The following ATM variants were observed in gnomAD, a reference collection of about 807,000 sequenced individuals.
ATM encodes the protein serine-protein kinase ATM.
A neutral mutation model predicts 387.0 loss-of-function variants in ATM; 308 were observed. The ratio of observed to expected loss-of-function variants is 0.80; its 90% confidence interval spans 0.73 to 0.87. The LOEUF is 0.87. ATM is among the 40% of genes least tolerant of loss of function. The probability of loss-of-function intolerance (pLI) is 0.00; values close to 1 mark genes in which losing one functional copy is unlikely to be tolerated. For synonymous variants in ATM, 1,156 were observed against 1,187.3 expected (o/e 0.97, Z 0.54); for missense variants, 3,312 against 3,560.9 (o/e 0.93, Z 1.78).
Position 108,243,934 on chromosome 11 carries a change from A to ATTTT in ATM, c.497-7_497-4dup. On this transcript the variant is annotated intron_variant, in intron 5 of 62. Transcript: ENST00000675843. The stretch of plus-strand genomic sequence containing the variant: ...GATTTTTAAAAAATCATGACTAATA[A>ATTTT]TTTTTTTTTTTTTTTAAGAATTGTT... 1 of 1,200,580 alleles carries ATTTT rather than the reference A, an allele frequency of 8.3e-7. No individual in the cohort carries two copies. The highest frequency in any genetic ancestry group is 1.1e-6 in the Non-Finnish European group (1 of 874,564). 74.4% of individuals were successfully genotyped at this position (1,200,580 alleles called of 1,614,324 possible).
At chr11:108,345,256 A>G (rs560241634) in intron 57 of ATM, among the ~76,000 whole-genome samples, 2 of 152,346 alleles carry the variant, frequency 1.3e-5, no homozygotes, top group African/African-American at 4.8e-5. Flanking sequence ...TCATCAGCAC[A>G]TAGATGGAAG....
At chr11:108,329,883 T>C (rs1337898896) in intron 49 of ATM, among the ~76,000 whole-genome samples, 1 of 152,260 alleles carries the variant, frequency 6.6e-6, no homozygotes, top group East Asian at 1.9e-4. Context: ...GAGATAGATA[T>C]TGAAATTAAT....
intron 61 of ATM, among the ~76,000 whole-genome samples, chr11:108,364,725 G>A (rs1312030971): frequency 1.3e-5 from 2 of 152,170 alleles, no homozygotes; most frequent in Non-Finnish European, 2.9e-5. Flanking sequence ...GACAGCCTGG[G>A]CTGAGGAAGA....
At chr11:108,335,987 C>A in intron 56 of ATM, 26 bp downstream of exon 56, 2 of 1,533,652 alleles carry the variant, frequency 1.3e-6, no homozygotes, top group South Asian at 2.2e-5. Flanking sequence ...TCTGTTAGTT[C>A]ACCAAAAACA....
chr11:108,285,884 A>C (rs992332584), intron 26 of ATM, among the ~76,000 whole-genome samples: 1 of 152,202 alleles, frequency 6.6e-6, no homozygotes, highest in South Asian at 2.1e-4. Flanking sequence ...TTCTTTTCTT[A>C]ATGTATTCAA....
At chr11:108,310,800 T>G (rs1379715478) in intron 39 of ATM, among the ~76,000 whole-genome samples, 1 of 152,216 alleles carries the variant, frequency 6.6e-6, no homozygotes, top group East Asian at 1.9e-4. Flanking sequence ...TTTCATTTCT[T>G]TATCTACCTA....
rs2079869889 is a variant in ATM at position 108,246,826 on chromosome 11, G to A, written c.902-138G>A. On this transcript the variant is annotated intron_variant, in intron 7 of 62. Transcript: ENST00000675843. Reference sequence around the variant, plus strand: ...GTTTGTCAAGGATCTTGTCAGAAGAGGCATTAGTACTGAATGGAAGGTTGG... The same window carrying A: ...GTTTGTCAAGGATCTTGTCAGAAGAAGCATTAGTACTGAATGGAAGGTTGG... 3.7e-5 allele frequency: 23 copies of A among 625,016 alleles called. No homozygotes were observed. The South Asian group carries it at 4.1e-4, about 11-fold the overall frequency. The allele number at this position is 625,016 out of a possible 1,614,324, so 38.7% of individuals were successfully genotyped here.
intron 4 of ATM, chr11:108,231,583 C>T (rs2079012910): frequency 6.6e-6 from 1 of 150,578 alleles, no homozygotes; most frequent in Non-Finnish European, 1.5e-5. Flanking sequence ...GTAATCCCAG[C>T]TTCTCGAGAA....
At chr11:108,314,807 A>C (rs1252009126) in intron 40 of ATM, among the ~76,000 whole-genome samples, 4 of 149,522 alleles carry the variant, frequency 2.7e-5, no homozygotes, top group African/African-American at 1.0e-4. Context: ...TGAGAAAAGA[A>C]AATGTTATTG....
intron 36 of ATM, 78 bp downstream of exon 36, chr11:108,303,107 A>T: frequency 7.6e-7 from 1 of 1,308,468 alleles, no homozygotes. Flanking sequence ...ACTGCACATC[A>T]TCTTCACATA....
At position 108,365,559 on chromosome 11, in the gene ATM, A is replaced by G. The variant is rs2137936075; in HGVS notation, c.*51A>G. Reference sequence around the variant, plus strand: ...ATTCAGCCTTTAGAAATTATATTTTAGCCTTTATTTTTAACCTGCCAACAT... The same window carrying G: ...ATTCAGCCTTTAGAAATTATATTTTGGCCTTTATTTTTAACCTGCCAACAT... On this transcript the variant is annotated 3_prime_UTR_variant, in exon 63 of 63. Coordinates refer to ENST00000675843, the MANE Select transcript of ATM (RefSeq NM_000051.4). 1.3e-6 allele frequency: 2 copies of G among 1,579,540 alleles called. No homozygotes were observed. The highest frequency in any genetic ancestry group is 1.7e-6 in the Non-Finnish European group (2 of 1,159,324).
intron 16 of ATM, among the ~76,000 whole-genome samples, chr11:108,265,450 A>T (rs917844346): frequency 1.3e-5 from 2 of 152,204 alleles, no homozygotes; most frequent in African/African-American, 4.8e-5. Context: ...CTGAAACTGG[A>T]TCCCTTCCTT....
intron 55 of ATM, 47 bp from the exon 56 acceptor site, chr11:108,335,798 T>C: frequency 6.7e-7 from 1 of 1,488,338 alleles, no homozygotes; most frequent in Non-Finnish European, 9.3e-7. Context: ...TGTGTTTTTA[T>C]AATAAAATAA....
chr11:108,337,624 C>G (rs1366491948), intron 56 of ATM, among the ~76,000 whole-genome samples: 1 of 152,192 alleles, frequency 6.6e-6, no homozygotes, highest in Non-Finnish European at 1.5e-5. Context: ...ACCCACCAGT[C>G]TACTTGTTCT....
Position 108,353,872 on chromosome 11 carries a change from C to T in ATM, c.8778C>T (p.Val2926=), listed in dbSNP as rs1430419604. The T allele has an allele frequency of 1.2e-6, 2 of 1,611,580 alleles. No individual in the cohort carries two copies. Among genetic ancestry groups the T allele is most frequent in the Non-Finnish European group, 1.7e-6 (2 of 1,177,916 alleles). ...DGMGITGVEG[V]FRRCCEKTME... ...TGGGCATTACGGGTGTTGAAGGTGT[C>T]TTCAGAAGGTAAGTGATATGAAGTA... The change falls in exon 60 of 63, where the codon GTC becomes GTT. Residue 2926 remains valine, a synonymous_variant. Transcript: ENST00000675843.
At position 108,353,824 on chromosome 11, in the gene ATM, C is replaced by G. The variant is rs551041839; in HGVS notation, c.8730C>G (p.Leu2910=). ...CTCCTGAGACAGTTCCTTTTAGACTCACCAGAGATATTGTGGATGGCATGG... is the reference window on the plus strand; with the variant it reads ...CTCCTGAGACAGTTCCTTTTAGACTGACCAGAGATATTGTGGATGGCATGG... ...LPTPETVPFR[L]TRDIVDGMGI... Residue 2910 remains leucine, a synonymous_variant, in exon 60 of 63, where the codon CTC becomes CTG. Coordinates refer to ENST00000675843, the MANE Select transcript of ATM (RefSeq NM_000051.4). 3.2e-4 allele frequency: 520 copies of G among 1,614,054 alleles called. 2 individuals are homozygous for G. In the South Asian group the frequency reaches 5.6e-3, roughly 17 times the overall value.
chr11:108,351,679 G>T (rs1462379144), intron 59 of ATM, among the ~76,000 whole-genome samples: 4 of 152,112 alleles, frequency 2.6e-5, no homozygotes, highest in African/African-American at 9.7e-5. Context: ...GGGCTCCAAG[G>T]GGAAGGAAGT....
In ATM at chr11:108,273,522, C is replaced by T. The variant is rs1396183808; in HGVS notation, c.3284+670C>T. Among the ~76,000 whole-genome samples, 3 of 150,900 alleles carry T rather than the reference C, an allele frequency of 2.0e-5. No homozygotes were observed. In the East Asian group the frequency reaches 5.9e-4, roughly 29 times the overall value. On this transcript the variant is annotated intron_variant, in intron 22 of 62. Transcript: ENST00000675843. ...ATGCCCAGCTAATTTTTTTATTTTT[C>T]GTAGAGATGGAGTTTCACCATGTTG...
chr11:108,235,024 A>T (rs2079197564), intron 4 of ATM, among the ~76,000 whole-genome samples: 1 of 152,158 alleles, frequency 6.6e-6, no homozygotes, highest in Non-Finnish European at 1.5e-5. Flanking sequence ...GAAATTGTGA[A>T]TTATTAAGGT....
Sources: gnomAD v4.1 joint callset for allele counts (sites outside exome capture counted in the v4.1 genomes callset) on GRCh38, gnomAD v4.1.1 for gene constraint, MANE v1.5 for transcripts, NCBI Gene and HGNC (gene_info 2026-07-23, HGNC 2026-07-21) for gene names.